ANK3: variants seen among roughly 807,000 people sequenced by gnomAD.
ANK3 encodes ankyrin-3.
In ANK3, 57 loss-of-function variants were observed where a neutral mutation model predicts 370.9. The observed-to-expected ratio is 0.15, with a 90% CI of 0.12 to 0.19. The LOEUF is 0.19. ANK3 is among the 10% of genes least tolerant of loss of function. ANK3 has a pLI of 1.00. For missense variants in ANK3, 4,439 were observed against 5,302.1 expected (o/e 0.84, Z 5.06); for synonymous variants, 1,929 against 1,946.3 (o/e 0.99, Z 0.23).
chr10:60,600,621 C>G (rs557095491), intron 2 of ANK3, among the ~76,000 whole-genome samples: 1 of 152,282 alleles, frequency 6.6e-6, no homozygotes, highest in Non-Finnish European at 1.5e-5. Flanking sequence ...TCTAATTTGT[C>G]TTTCCACCAA....
At chr10:60,644,300 GGTAGA>G (rs1175963565) in intron 1 of ANK3, among the ~76,000 whole-genome samples, 1 of 151,982 alleles carries the variant, frequency 6.6e-6, no homozygotes, top group East Asian at 1.9e-4. Flanking sequence ...AAATATACAA[GGTAGA>G]TTCCACTAAT....
chr10:60,357,888 A>G (rs894480605), intron 1 of ANK3, among the ~76,000 whole-genome samples: 7 of 152,138 alleles, frequency 4.6e-5, no homozygotes, highest in Non-Finnish European at 7.3e-5. Context: ...CTGCAATGGC[A>G]GAAGCATCCC....
intron 1 of ANK3, among the ~76,000 whole-genome samples, chr10:60,336,517 C>G (rs2052937132): frequency 6.6e-6 from 1 of 152,048 alleles, no homozygotes. Flanking sequence ...AGCACAATGC[C>G]AAAATGGTCA....
At chr10:60,298,576 C>T (rs1181631181) in intron 1 of ANK3, among the ~76,000 whole-genome samples, 4 of 152,074 alleles carry the variant, frequency 2.6e-5, no homozygotes, top group South Asian at 2.1e-4. Flanking sequence ...TTACTGCTTA[C>T]GGCATGATAA....
At chr10:60,579,686 T>C (rs1405786370) in intron 2 of ANK3, among the ~76,000 whole-genome samples, 2 of 152,204 alleles carry the variant, frequency 1.3e-5, no homozygotes, top group African/African-American at 4.8e-5. Flanking sequence ...GTATACTGAT[T>C]GTCATATAGT....
At chr10:60,460,736 T>G (rs946922106) in intron 2 of ANK3, among the ~76,000 whole-genome samples, 1 of 152,156 alleles carries the variant, frequency 6.6e-6, no homozygotes, top group East Asian at 1.9e-4. Context: ...AGAATTCATT[T>G]TATTCTCATA....
At chr10:60,434,236 TAC>T (rs1225942260) in intron 2 of ANK3, among the ~76,000 whole-genome samples, 1 of 152,242 alleles carries the variant, frequency 6.6e-6, no homozygotes, top group Non-Finnish European at 1.5e-5. Context: ...TAGTATAACA[TAC>T]AGATACTTGT....
intron 7 of ANK3, among the ~76,000 whole-genome samples, chr10:60,240,652 C>T (rs1046534324): frequency 1.3e-5 from 2 of 152,066 alleles, no homozygotes; most frequent in Non-Finnish European, 2.9e-5. Context: ...AGTGCAGTAG[C>T]ACAATCTCAG....
At chr10:60,185,520 T>G (rs2096301305) in intron 17 of ANK3, among the ~76,000 whole-genome samples, 1 of 152,220 alleles carries the variant, frequency 6.6e-6, no homozygotes, top group African/African-American at 2.4e-5. Context: ...CTCTGTGATT[T>G]CAAAACACAG....
chr10:60,720,716 G>A (rs894046699), intron 1 of ANK3, among the ~76,000 whole-genome samples: 6 of 152,102 alleles, frequency 3.9e-5, no homozygotes, highest in African/African-American at 1.2e-4. Context: ...GGGCTCAAGC[G>A]GTCCTCCCAC....
chr10:60,349,769 C>T (rs143328560), intron 1 of ANK3, among the ~76,000 whole-genome samples: 128 of 152,296 alleles, frequency 8.4e-4, no homozygotes, highest in African/African-American at 3.0e-3. Flanking sequence ...ACCCTCTGTT[C>T]TCCCTTCTAA....
At chr10:60,440,638 A>T (rs2064277232) in intron 2 of ANK3, among the ~76,000 whole-genome samples, 1 of 152,194 alleles carries the variant, frequency 6.6e-6, no homozygotes, top group Non-Finnish European at 1.5e-5. Context: ...AAACCACATC[A>T]TGTAGGAAAC....
intron 23 of ANK3, among the ~76,000 whole-genome samples, chr10:60,162,924 A>G (rs991602606): frequency 6.6e-6 from 1 of 152,180 alleles, no homozygotes; most frequent in African/African-American, 2.4e-5. Flanking sequence ...GAATTCTACA[A>G]GCTAAAATAA....
intron 1 of ANK3, among the ~76,000 whole-genome samples, chr10:60,638,205 G>GT (rs2078581230): frequency 6.6e-6 from 1 of 152,202 alleles, no homozygotes; most frequent in African/African-American, 2.4e-5. Context: ...AGGCTGAAAA[G>GT]TTCCTAGAGA....
chr10:60,255,253 C>T (rs949401257), intron 7 of ANK3, among the ~76,000 whole-genome samples: 2 of 152,160 alleles, frequency 1.3e-5, no homozygotes, highest in Admixed American at 6.5e-5. Flanking sequence ...TTTTTACATT[C>T]ATTGCCTTCT....
At chr10:60,259,098 G>A (rs61159838) in intron 7 of ANK3, among the ~76,000 whole-genome samples, 4 of 152,162 alleles carry the variant, frequency 2.6e-5, no homozygotes, top group African/African-American at 9.7e-5. Context: ...GACCTAGAAA[G>A]ACTCCTTGGA....
intron 1 of ANK3, among the ~76,000 whole-genome samples, chr10:60,696,117 C>T (rs1394930161): frequency 3.3e-5 from 5 of 150,396 alleles, no homozygotes; most frequent in Non-Finnish European, 7.4e-5. Context: ...GAGAATACTA[C>T]AAACACCTCT....
chr10:60,036,422 A>ATTTTTTTTTTTTTTTTTTT lies in ANK3; in HGVS notation c.*19+6231_*19+6249dup, dbSNP rs563946588. On this transcript the variant is annotated intron_variant, in intron 43 of 43. Transcript: ENST00000280772. The stretch of plus-strand genomic sequence containing the variant: ...CTGCGGAAGAGAGAGGTCAGAGGCA[A>ATTTTTTTTTTTTTTTTTTT]TTTTTTTTTTTTTTTTTTTTTTTTT... Among the ~76,000 whole-genome samples, 16 of 72,292 alleles carry ATTTTTTTTTTTTTTTTTTT rather than the reference A, an allele frequency of 2.2e-4. 1 individual carries two copies. The highest frequency in any genetic ancestry group is 1.1e-3 in the African/African-American group (16 of 14,242). The allele number at this position is 72,292 out of a possible 152,430, so 47.4% of individuals were successfully genotyped here.
chr10:60,072,832 C>T lies in ANK3; in HGVS notation c.8049G>A (p.Glu2683=), dbSNP rs1470387950. The part of the protein sequence containing the change: ...PEKMVLSQQT[E]DSKSTVEAKG... The stretch of plus-strand genomic sequence containing the variant: ...TGGCTTCCACTGTGGACTTGCTGTC[C>T]TCAGTCTGTTGGGAGAGAACCATCT... Residue 2683 remains glutamate, a synonymous_variant, in exon 37 of 44, where the codon GAG becomes GAA. Transcript: ENST00000280772. 11 of 1,614,074 alleles carry T rather than the reference C, an allele frequency of 6.8e-6. No individual in the cohort carries two copies. The highest frequency in any genetic ancestry group is 8.5e-6 in the Non-Finnish European group (10 of 1,180,010).
Sources: allele counts gnomAD v4.1 joint callset (sites outside exome capture counted in the v4.1 genomes callset), GRCh38; gene constraint gnomAD v4.1.1; transcripts MANE v1.5; gene names NCBI Gene and HGNC (gene_info 2026-07-23, HGNC 2026-07-21).